COBL: variants seen among roughly 807,000 people sequenced by gnomAD.
COBL encodes protein cordon-bleu.
Under a neutral mutation model 98.8 loss-of-function variants are expected in COBL, and 51 were observed. The ratio of observed to expected loss-of-function variants is 0.52; its 90% CI spans 0.41 to 0.65. COBL has a LOEUF of 0.65. Among genes scored for constraint, COBL ranks in the 30% least tolerant of loss-of-function variants. The pLI is 0.00. For missense variants in COBL, 1,617 were observed against 1,617.5 expected (o/e 1.00, Z 0.01); for synonymous variants, 634 against 651.7 (o/e 0.97, Z 0.41).
At chr7:51,251,749 A>G (rs1235787211) in intron 1 of COBL, among the ~76,000 whole-genome samples, 1 of 152,206 alleles carries the variant, frequency 6.6e-6, no homozygotes, top group Non-Finnish European at 1.5e-5. Flanking sequence ...CACAGTGATG[A>G]GAAGCAACTG....
chr7:51,211,585 C>G (rs890443787), intron 2 of COBL, among the ~76,000 whole-genome samples: 6 of 152,214 alleles, frequency 3.9e-5, no homozygotes, highest in Admixed American at 1.3e-4. Context: ...TAGCTCAGGG[C>G]AGAGGATCAC....
intron 2 of COBL, among the ~76,000 whole-genome samples, chr7:51,193,905 T>C (rs1282671979): frequency 6.6e-6 from 1 of 152,230 alleles, no homozygotes; most frequent in African/African-American, 2.4e-5. Context: ...ATATTTTTCA[T>C]GCATACAAGA....
chr7:51,243,845 A>C (rs1796044848), intron 1 of COBL, among the ~76,000 whole-genome samples: 1 of 151,332 alleles, frequency 6.6e-6, no homozygotes, highest in Non-Finnish European at 1.5e-5. Context: ...AGGTGTGAGG[A>C]CGTGCACGTG....
intron 1 of COBL, among the ~76,000 whole-genome samples, chr7:51,312,159 T>TG (rs958631657): frequency 2.1e-5 from 3 of 144,200 alleles, no homozygotes; most frequent in African/African-American, 7.6e-5. Context: ...TCGTCTCTAT[T>TG]AAAAAAAAAA....
chr7:51,021,020 T>C (rs1786877304), intron 12 of COBL: 1 of 152,162 alleles, frequency 6.6e-6, no homozygotes, highest in Admixed American at 6.5e-5. Context: ...CAGAAAACCT[T>C]CCCAGCATAG....
At chr7:51,313,334 C>T (rs1343599827) in intron 1 of COBL, among the ~76,000 whole-genome samples, 3 of 152,208 alleles carry the variant, frequency 2.0e-5, no homozygotes, top group Non-Finnish European at 4.4e-5. Flanking sequence ...AGGCCTTCTA[C>T]ACTTAATACT....
intron 5 of COBL, among the ~76,000 whole-genome samples, chr7:51,159,785 A>C (rs985003058): frequency 6.6e-6 from 1 of 152,164 alleles, no homozygotes; most frequent in Admixed American, 6.5e-5. Context: ...CATTGTAAGA[A>C]TCGAACACTC....
chr7:51,129,987 T>C (rs1025249846), intron 6 of COBL, among the ~76,000 whole-genome samples: 6 of 152,126 alleles, frequency 3.9e-5, no homozygotes, highest in Non-Finnish European at 7.4e-5. Context: ...CAGAGGGGCA[T>C]GGGAGTGCTT....
intron 7 of COBL, among the ~76,000 whole-genome samples, chr7:51,074,612 G>C (rs1011874100): frequency 6.6e-6 from 1 of 152,186 alleles, no homozygotes; most frequent in African/African-American, 2.4e-5. Context: ...CGTAACCTGA[G>C]TACATGCTAC....
At chr7:51,224,791 G>C in intron 1 of COBL, among the ~76,000 whole-genome samples, 1 of 152,156 alleles carries the variant, frequency 6.6e-6, no homozygotes, top group East Asian at 1.9e-4. Flanking sequence ...AAGTAGCTGG[G>C]ATTACAGGCA....
chr7:51,081,704 G>A (rs555816336), intron 7 of COBL, among the ~76,000 whole-genome samples: 6 of 152,168 alleles, frequency 3.9e-5, no homozygotes, highest in Admixed American at 1.3e-4. Flanking sequence ...TTCTGTGACT[G>A]CCAACAGGCT....
rs117966733 is a variant in COBL, at chr7:51,291,756, G to A, written c.41+24837C>T. On this transcript the variant is annotated intron_variant, in intron 1 of 12. Coordinates refer to ENST00000265136, the MANE Select transcript of COBL (RefSeq NM_015198.5). Reference sequence around the variant, plus strand: ...AGCCAGGGCAACAAATCGAGACTCCGTCTCAAAAAAAAAAGTAAGATTTAT... The same window carrying A: ...AGCCAGGGCAACAAATCGAGACTCCATCTCAAAAAAAAAAGTAAGATTTAT... 7.7e-3 allele frequency among the ~76,000 whole-genome samples: 1,165 copies of A among 151,422 alleles called. 57 individuals are homozygous for A. The South Asian group carries it at 0.13, about 17-fold the overall frequency.
At chr7:51,153,319 T>C (rs1372168300) in intron 5 of COBL, among the ~76,000 whole-genome samples, 3 of 152,252 alleles carry the variant, frequency 2.0e-5, no homozygotes, top group Non-Finnish European at 4.4e-5. Flanking sequence ...TTATTACTGA[T>C]AATTAAAGAT....
intron 5 of COBL, among the ~76,000 whole-genome samples, chr7:51,136,708 G>C (rs531748406): frequency 6.6e-6 from 1 of 152,280 alleles, no homozygotes; most frequent in Admixed American, 6.5e-5. Context: ...AAAAGAGGAA[G>C]GAACTGATCA....
In COBL at chr7:51,107,084, G is replaced by GTTTTTTTTTTTTTTTT. The variant is rs202161212; in HGVS notation, c.958-21781_958-21780insAAAAAAAAAAAAAAAA. Among the ~76,000 whole-genome samples, 2 of 109,312 alleles carry GTTTTTTTTTTTTTTTT rather than the reference G, an allele frequency of 1.8e-5. 1 individual carries two copies. The highest frequency in any genetic ancestry group is 2.0e-4 in the Admixed American group (2 of 10,144). The allele number at this position is 109,312 out of a possible 152,430, so 71.7% of individuals were successfully genotyped here. On this transcript the variant is annotated intron_variant, in intron 6 of 12. Transcript: ENST00000265136. ...ACTTAACACTTTTTTTGTGATCCTA[G>GTTTTTTTTTTTTTTTT]TTTGTTTGTTTTTTTTTTTTTTTTT...
chr7:51,261,206 C>T (rs967420823), intron 1 of COBL, among the ~76,000 whole-genome samples: 4 of 152,250 alleles, frequency 2.6e-5, no homozygotes, highest in African/African-American at 9.6e-5. Flanking sequence ...GCTCTCCTGA[C>T]AGCCCATCCA....
At position 51,269,916 on chromosome 7, in the gene COBL, T is replaced by G. The variant is rs367756925; in HGVS notation, c.41+46677A>C. On this transcript the variant is annotated intron_variant, in intron 1 of 12. Coordinates refer to ENST00000265136, the MANE Select transcript of COBL (RefSeq NM_015198.5). The stretch of plus-strand genomic sequence containing the variant: ...AAAATCCTGAGCCTGCTGGCGGCCA[T>G]ACTGACACAGGGAATAACACCCCCA... Among the ~76,000 whole-genome samples the G allele has an allele frequency of 1.1e-4, 16 of 152,296 alleles. No individual in the cohort carries two copies. The East Asian group carries it at 1.7e-3, about 17-fold the overall frequency.
intron 1 of COBL, among the ~76,000 whole-genome samples, chr7:51,252,844 T>C (rs540798536): frequency 1.3e-5 from 2 of 152,344 alleles, no homozygotes; most frequent in South Asian, 4.1e-4. Context: ...AAATATCTCA[T>C]TCTCCAACAA....
At chr7:51,219,678 C>T in intron 2 of COBL, 63 bp downstream of exon 2, 2 of 1,532,508 alleles carry the variant, frequency 1.3e-6, no homozygotes, top group Non-Finnish European at 8.9e-7. Flanking sequence ...ATCCGCCTTT[C>T]CATTCTCCCC....
Sources: gnomAD v4.1 joint callset for allele counts (sites outside exome capture counted in the v4.1 genomes callset) on GRCh38, gnomAD v4.1.1 for gene constraint, MANE v1.5 for transcripts, NCBI Gene and HGNC (gene_info 2026-07-23, HGNC 2026-07-21) for gene names.